SEMA5A: variants seen among roughly 807,000 people sequenced by gnomAD.
SEMA5A encodes the protein semaphorin-5A.
A neutral mutation model predicts 135.5 loss-of-function variants in SEMA5A; 55 were observed. That is an observed-to-expected ratio of 0.41 (90% CI 0.33 to 0.51). The LOEUF is 0.51. SEMA5A is among the 20% of genes least tolerant of loss of function. The pLI is 0.37. For synonymous variants in SEMA5A, 580 were observed against 546.5 expected, an observed-to-expected ratio of 1.06 and a Z score of -0.85; for missense variants, 1,290 against 1,419.9, an observed-to-expected ratio of 0.91 and a Z score of 1.47.
At chr5:9,490,447 GA>G (rs202049502) in intron 1 of SEMA5A, among the ~76,000 whole-genome samples, 34 of 150,926 alleles carry the variant, frequency 2.3e-4, no homozygotes, top group African/African-American at 5.1e-4. Flanking sequence ...CTCCGTATTT[GA>G]AAAAAAAATT....
intron 16 of SEMA5A, among the ~76,000 whole-genome samples, chr5:9,088,978 T>C (rs1488081956): frequency 1.3e-5 from 2 of 152,166 alleles, no homozygotes; most frequent in Non-Finnish European, 2.9e-5. Context: ...CCAGAGCTGC[T>C]GTCATTCACG....
rs768534228 is a variant in SEMA5A at position 9,044,490 on chromosome 5, G to A, written c.2988C>T (p.Tyr996=). The part of the protein sequence containing the change: ...TLLVYTYCQR[Y]QQQSHDATVI... Reference sequence around the variant, plus strand: ...CAGTCGCATCGTGGGATTGCTGCTGGTACCGCTGGCAGTAAGTATAGACGA... The same window carrying A: ...CAGTCGCATCGTGGGATTGCTGCTGATACCGCTGGCAGTAAGTATAGACGA... Residue 996 remains tyrosine, a synonymous_variant, in exon 22 of 23, where the codon TAC becomes TAT. Coordinates refer to ENST00000382496, the MANE Select transcript of SEMA5A (RefSeq NM_003966.3). The A allele has an allele frequency of 3.1e-6, 5 of 1,614,012 alleles. No homozygotes were observed. In the South Asian group the frequency reaches 4.4e-5, roughly 14 times the overall value.
chr5:9,517,510 T>G (rs1263686340), intron 1 of SEMA5A: 1 of 152,194 alleles, frequency 6.6e-6, no homozygotes, highest in African/African-American at 2.4e-5. Context: ...GCCTTTAGGT[T>G]GGAGAATCAG....
chr5:9,064,366 C>T (rs981509688), intron 17 of SEMA5A, among the ~76,000 whole-genome samples: 2 of 152,144 alleles, frequency 1.3e-5, no homozygotes, highest in Non-Finnish European at 2.9e-5. Flanking sequence ...AGGCACTATT[C>T]ACGATGGCAA....
rs1736021735 is a variant in SEMA5A, at chr5:9,042,620, A to G, written c.*277T>C. 2.7e-6 allele frequency: 1 copy of G among 368,318 alleles called. No individual in the cohort carries two copies. 22.8% of individuals were successfully genotyped at this position (368,318 alleles called of 1,614,324 possible). ...ACATTTATAAAATAATGCTCAAAAA[A>G]CAAACCAATGGACTTGTCAGAAAAA... On this transcript the variant is annotated 3_prime_UTR_variant, in exon 23 of 23. Coordinates refer to ENST00000382496, the MANE Select transcript of SEMA5A (RefSeq NM_003966.3).
intron 3 of SEMA5A, among the ~76,000 whole-genome samples, chr5:9,375,258 C>G (rs1057421885): frequency 6.6e-6 from 1 of 152,028 alleles, no homozygotes; most frequent in Non-Finnish European, 1.5e-5. Flanking sequence ...TGAATGTGAC[C>G]GTATTTGGAA....
At chr5:9,311,352 C>A (rs1359073356) in intron 5 of SEMA5A, among the ~76,000 whole-genome samples, 1 of 151,932 alleles carries the variant, frequency 6.6e-6, no homozygotes, top group East Asian at 1.9e-4. Flanking sequence ...TCCCCCCAAC[C>A]CAGATATACA....
intron 8 of SEMA5A, among the ~76,000 whole-genome samples, chr5:9,207,904 G>GATAC (rs1746133433): frequency 7.7e-5 from 3 of 38,746 alleles, no homozygotes; most frequent in Admixed American, 2.2e-4. Context: ...TAGATACATA[G>GATAC]ATAGATAGAT....
intron 18 of SEMA5A, among the ~76,000 whole-genome samples, chr5:9,057,244 A>C (rs969179639): frequency 2.6e-5 from 4 of 152,226 alleles, no homozygotes; most frequent in African/African-American, 4.8e-5. Context: ...CGTATTGTGC[A>C]CTCAAAAATC....
At chr5:9,210,361 T>C (rs1746276974) in intron 8 of SEMA5A, among the ~76,000 whole-genome samples, 1 of 152,208 alleles carries the variant, frequency 6.6e-6, no homozygotes, top group South Asian at 2.1e-4. Context: ...AACTGACTCA[T>C]GTCACTTAAC....
In SEMA5A at chr5:9,037,463, C is replaced by T. The variant is rs1031310451; in HGVS notation, c.*5434G>A. 1 of 152,196 alleles carries T rather than the reference C, an allele frequency of 6.6e-6. No individual in the cohort carries two copies. Among genetic ancestry groups the T allele is most frequent in the Non-Finnish European group, 1.5e-5 (1 of 68,040 alleles). The allele number at this position is 152,196 out of a possible 1,614,324, so 9.4% of individuals were successfully genotyped here. ...AGTGGATAGGATTCCCTTCCTCATG[C>T]TTCTGTAACATGTATCAAATTTCTG... is the stretch of plus-strand genomic sequence containing the variant. On this transcript the variant is annotated 3_prime_UTR_variant, in exon 23 of 23. Transcript: ENST00000382496.
chr5:9,414,786 T>A (rs1478599146), intron 2 of SEMA5A, among the ~76,000 whole-genome samples: 2 of 152,224 alleles, frequency 1.3e-5, no homozygotes, highest in African/African-American at 4.8e-5. Flanking sequence ...CCCAGCTTCA[T>A]GACTCTACCC....
intron 2 of SEMA5A, among the ~76,000 whole-genome samples, chr5:9,384,619 CATAGATAGATAGATAGATAGATAGATAG>C (rs67211847): frequency 0.024 from 2,010 of 85,510 alleles, 87 homozygotes; most frequent in African/African-American, 0.047. Context: ...TAGATAGATA[CATAGATAGATAGATAGATAGATAGATAG>C]ATAGATAGAT....
Position 9,044,594 on chromosome 5 carries a change from C to T in SEMA5A, c.2894-10G>A, listed in dbSNP as rs771560124. The T allele has an allele frequency of 6.2e-7, 1 of 1,612,812 alleles. No individual in the cohort carries two copies. Among genetic ancestry groups the T allele is most frequent in the Non-Finnish European group, 8.5e-7 (1 of 1,179,088 alleles). On this transcript the variant is annotated splice_polypyrimidine_tract_variant and intron_variant, in intron 21 of 22. Coordinates refer to ENST00000382496, the MANE Select transcript of SEMA5A (RefSeq NM_003966.3). ...TGGAACATGTTGAACTCTAGGGAGA[C>T]ATGAGCAAAGTGATGCCACACTTGA...
At chr5:9,057,365 T>A (rs1736950578) in intron 18 of SEMA5A, among the ~76,000 whole-genome samples, 1 of 152,222 alleles carries the variant, frequency 6.6e-6, no homozygotes, top group Non-Finnish European at 1.5e-5. Flanking sequence ...CAACATCTAA[T>A]GATCTCATAC....
chr5:9,427,481 T>C lies in SEMA5A; in HGVS notation c.-78+10275A>G, dbSNP rs117527621. ...ACCTGCCTATCAAAGCATGTGTTGG[T>C]TCTCTGATGAGGTTTCAGCCTGAGA... On this transcript the variant is annotated intron_variant, in intron 2 of 22. Coordinates refer to ENST00000382496, the MANE Select transcript of SEMA5A (RefSeq NM_003966.3). Among the ~76,000 whole-genome samples the C allele has an allele frequency of 3.7e-3, 560 of 152,286 alleles. 10 individuals carry two copies. In the East Asian group the frequency reaches 0.046, roughly 13 times the overall value.
In SEMA5A at chr5:9,197,261, G is replaced by A. The variant is rs765586378; in HGVS notation, c.975C>T (p.Ser325=). Residue 325 remains serine, a synonymous_variant, in exon 10 of 23, where the codon AGC becomes AGT. Coordinates refer to ENST00000382496, the MANE Select transcript of SEMA5A (RefSeq NM_003966.3). The part of the protein sequence containing the change: ...AASAVCVFNL[S]AIAQAFSGPF... Reference sequence around the variant, plus strand: ...GCCCAGAGAAGGCCTGCGCGATGGCGCTCAGGTTGAAGACGCACACAGCTG... The same window carrying A: ...GCCCAGAGAAGGCCTGCGCGATGGCACTCAGGTTGAAGACGCACACAGCTG... The A allele has an allele frequency of 1.7e-5, 27 of 1,614,152 alleles. No individual in the cohort carries two copies. In the East Asian group the frequency reaches 4.0e-4, roughly 24 times the overall value.
intron 1 of SEMA5A, among the ~76,000 whole-genome samples, chr5:9,484,066 C>A (rs1759983993): frequency 6.6e-6 from 1 of 152,136 alleles, no homozygotes; most frequent in Non-Finnish European, 1.5e-5. Context: ...TCAAATCCTG[C>A]CACTTCACAA....
chr5:9,545,655 CA>C lies in SEMA5A; in HGVS notation c.-247del, dbSNP rs1463507072. Reference sequence around the variant, plus strand: ...GAGCGGCTCCGAGGATCCTCTTCAGCACCTGGCTAGGGAAGTGGAGGCAGCA... The same window carrying C: ...GAGCGGCTCCGAGGATCCTCTTCAGCCCTGGCTAGGGAAGTGGAGGCAGCA... On this transcript the variant is annotated 5_prime_UTR_variant, in exon 1 of 23. Transcript: ENST00000382496. The surrounding 1 kb of genome is among the most constrained non-coding windows in gnomAD (Gnocchi z 4.5). The C allele has an allele frequency of 2.0e-5, 3 of 152,256 alleles. No individual in the cohort carries two copies. Among genetic ancestry groups the C allele is most frequent in the Non-Finnish European group, 4.4e-5 (3 of 68,118 alleles). The allele number at this position is 152,256 out of a possible 1,614,324, so 9.4% of individuals were successfully genotyped here.
Sources: gnomAD v4.1 joint callset for allele counts (sites outside exome capture counted in the v4.1 genomes callset) on GRCh38, gnomAD v4.1.1 for gene constraint, Gnocchi (gnomAD v3.1) non-coding constraint, MANE v1.5 for transcripts, NCBI Gene and HGNC (gene_info 2026-07-23, HGNC 2026-07-21) for gene names.